KLF12: variants seen among roughly 807,000 people sequenced by gnomAD.
KLF12 encodes Krueppel-like factor 12.
In KLF12, 9 loss-of-function variants were observed where a neutral mutation model predicts 37.8. That is an observed-to-expected ratio of 0.24 (90% confidence interval 0.14 to 0.42). The LOEUF is 0.42. Ranked by LOEUF, KLF12 falls within the 10% of genes least tolerant of loss-of-function variation. The pLI, the probability that KLF12 is intolerant of heterozygous loss-of-function variation, is 1.00. For missense variants in KLF12, 411 were observed against 516.0 expected (o/e 0.80, Z 1.97); for synonymous variants, 208 against 202.1 (o/e 1.03, Z -0.25).
At chr13:73,859,591 T>C (rs1318230223) in intron 3 of KLF12, among the ~76,000 whole-genome samples, 1 of 152,194 alleles carries the variant, frequency 6.6e-6, no homozygotes, top group Non-Finnish European at 1.5e-5. Context: ...CCAATATACC[T>C]TGCATATAAT....
chr13:74,291,170 G>T, the KLF12 span, among the ~76,000 whole-genome samples: 2 of 152,184 alleles, frequency 1.3e-5, no homozygotes, highest in African/African-American at 4.8e-5. Flanking sequence ...ATCAGTTAGG[G>T]TTTTGTGCCA....
intron 4 of KLF12, among the ~76,000 whole-genome samples, chr13:73,838,584 A>G (rs74095852): frequency 6.6e-6 from 1 of 152,194 alleles, no homozygotes; most frequent in Non-Finnish European, 1.5e-5. Context: ...ATTTGGACCT[A>G]TAATAAGTTA....
chr13:73,955,194 TAGTAATAGC>T (rs1254191740), intron 2 of KLF12, among the ~76,000 whole-genome samples: 3 of 152,212 alleles, frequency 2.0e-5, no homozygotes, highest in Non-Finnish European at 2.9e-5. Flanking sequence ...TAATTATAAT[TAGTAATAGC>T]AGTAATAGTG....
Position 73,715,365 on chromosome 13 carries a change from T to G in KLF12, c.1027+3A>C. ...ACAGGTGAGAAGCCCTGCAGAGCGG[T>G]ACCTGTATGTGTCCTCCGGTGAGCC... On this transcript the variant is annotated splice_donor_region_variant and intron_variant, in intron 7 of 7. Transcript: ENST00000377669. 1 of 1,612,682 alleles carries G rather than the reference T, an allele frequency of 6.2e-7. No individual in the cohort carries two copies. Among genetic ancestry groups the G allele is most frequent in the Non-Finnish European group, 8.5e-7 (1 of 1,179,492 alleles).
chr13:73,953,478 T>G (rs1039972635), intron 2 of KLF12, among the ~76,000 whole-genome samples: 2 of 152,204 alleles, frequency 1.3e-5, no homozygotes, highest in African/African-American at 4.8e-5. Context: ...ATTAACATAT[T>G]CATTGGTCAT....
At chr13:73,962,916 T>C (rs1891063306) in intron 2 of KLF12, among the ~76,000 whole-genome samples, 1 of 152,218 alleles carries the variant, frequency 6.6e-6, no homozygotes, top group Non-Finnish European at 1.5e-5. Context: ...TCAAGAGTTT[T>C]GAAGAAACAG....
Position 73,774,591 on chromosome 13 carries a change from C to T in KLF12, c.807-9591G>A, listed in dbSNP as rs984229779. On this transcript the variant is annotated intron_variant, in intron 5 of 7. Coordinates refer to ENST00000377669, the MANE Select transcript of KLF12 (RefSeq NM_007249.5). ...AATTGTTCGAGCAACGATAATTTAT[C>T]GGTTTGAATAATTATACTATGAGGA... Among the ~76,000 whole-genome samples, 75 of 151,938 alleles carry T rather than the reference C, an allele frequency of 4.9e-4. 4 individuals are homozygous for T. Among genetic ancestry groups the T allele is most frequent in the Admixed American group, 6.6e-5 (1 of 15,248 alleles).
At chr13:73,763,699 A>G (rs1879714779) in intron 6 of KLF12, among the ~76,000 whole-genome samples, 1 of 152,178 alleles carries the variant, frequency 6.6e-6, no homozygotes, top group African/African-American at 2.4e-5. Flanking sequence ...TCTACCCATT[A>G]GCTTGTGGCG....
intron 3 of KLF12, among the ~76,000 whole-genome samples, chr13:73,867,721 A>G (rs140632484): frequency 0.019 from 2,906 of 152,270 alleles, 42 homozygotes; most frequent in Non-Finnish European, 0.03. Context: ...GCGACCCCAC[A>G]GTGGGCTACA....
chr13:74,056,369 G>A (rs1408488828), intron 1 of KLF12, among the ~76,000 whole-genome samples: 2 of 152,196 alleles, frequency 1.3e-5, no homozygotes, highest in Non-Finnish European at 2.9e-5. Context: ...ATGTTCGTTG[G>A]TAGTTTTTTA....
the KLF12 span, among the ~76,000 whole-genome samples, chr13:74,179,686 T>C: frequency 6.6e-6 from 1 of 152,212 alleles, no homozygotes; most frequent in South Asian, 2.1e-4. Flanking sequence ...AAACTAAGGT[T>C]GCTTTATCAA....
At position 73,852,750 on chromosome 13, in the gene KLF12, C is replaced by T. The variant is rs561612720; in HGVS notation, c.124-6377G>A. ...CGAGATCGTGCCACTGCACTCCAGCCTGGGTGACAGAGCGAGACTCCATCT... is the reference window on the plus strand; with the variant it reads ...CGAGATCGTGCCACTGCACTCCAGCTTGGGTGACAGAGCGAGACTCCATCT... On this transcript the variant is annotated intron_variant, in intron 3 of 7. Transcript: ENST00000377669. Among the ~76,000 whole-genome samples the T allele has an allele frequency of 2.6e-5, 4 of 152,180 alleles. No individual in the cohort carries two copies. The South Asian group carries it at 8.3e-4, about 32-fold the overall frequency.
chr13:73,903,001 G>C (rs1888105893), intron 3 of KLF12, among the ~76,000 whole-genome samples: 1 of 152,150 alleles, frequency 6.6e-6, no homozygotes, highest in South Asian at 2.1e-4. Context: ...GACACAGCTG[G>C]TTTATTCAGA....
chr13:73,774,428 A>G (rs888401822), intron 5 of KLF12, among the ~76,000 whole-genome samples: 2 of 152,024 alleles, frequency 1.3e-5, no homozygotes, highest in Non-Finnish European at 2.9e-5. Context: ...GGTTCTTTGG[A>G]CCTGCATCGG....
chr13:73,907,602 C>T (rs909784385), intron 3 of KLF12, among the ~76,000 whole-genome samples: 1 of 152,112 alleles, frequency 6.6e-6, no homozygotes, highest in Non-Finnish European at 1.5e-5. Flanking sequence ...ATATTTCAGT[C>T]CCCAAATTCA....
chr13:73,757,708 G>C (rs186495684), intron 6 of KLF12, among the ~76,000 whole-genome samples: 122 of 152,070 alleles, frequency 8.0e-4, no homozygotes, highest in Non-Finnish European at 1.3e-3. Flanking sequence ...GCAAATGCAT[G>C]AACACATTCA....
intron 2 of KLF12, among the ~76,000 whole-genome samples, chr13:73,977,270 C>T (rs1022973641): frequency 6.6e-6 from 1 of 151,988 alleles, no homozygotes; most frequent in Non-Finnish European, 1.5e-5. Flanking sequence ...GCCTCGAACT[C>T]CTGAGCTCAA....
chr13:73,849,708 G>A (rs1352842314), intron 3 of KLF12, among the ~76,000 whole-genome samples: 1 of 152,158 alleles, frequency 6.6e-6, no homozygotes, highest in Non-Finnish European at 1.5e-5. Flanking sequence ...AAAGGACAAA[G>A]AATTCCATAC....
intron 2 of KLF12, among the ~76,000 whole-genome samples, chr13:73,956,969 G>T (rs1481885598): frequency 6.7e-6 from 1 of 149,186 alleles, no homozygotes; most frequent in East Asian, 2.0e-4. Flanking sequence ...AAAGGGAAAG[G>T]AAAGGAGGGA....
Sources: gnomAD v4.1 joint callset for allele counts (sites outside exome capture counted in the v4.1 genomes callset) on GRCh38, gnomAD v4.1.1 for gene constraint, MANE v1.5 for transcripts, NCBI Gene and HGNC (gene_info 2026-07-23, HGNC 2026-07-21) for gene names.